Variants in HDAC4 observed in about 807,000 individuals in gnomAD.
The protein encoded by HDAC4 is histone deacetylase 4, also known as histone deacetylase A.
In HDAC4, 16 loss-of-function variants were observed where a neutral mutation model predicts 135.1. The observed-to-expected ratio is 0.12, with a 90% CI of 0.08 to 0.18. The LOEUF (loss-of-function observed/expected upper bound fraction) is 0.18. HDAC4 is among the 10% of genes least tolerant of loss of function. HDAC4 has a pLI of 1.00. For synonymous variants in HDAC4, 685 were observed against 653.4 expected, an observed-to-expected ratio of 1.05 and a Z score of -0.74; for missense variants, 1,143 against 1,511.8, an observed-to-expected ratio of 0.76 and a Z score of 4.05.
At chr2:239,354,326 G>C (rs1233281021) in intron 1 of HDAC4, among the ~76,000 whole-genome samples, 1 of 152,114 alleles carries the variant, frequency 6.6e-6, no homozygotes, top group Non-Finnish European at 1.5e-5. Context: ...GCTGCTCCCA[G>C]GGAAGTGTCG....
At chr2:239,255,887 A>G (rs2049026680) in intron 2 of HDAC4, among the ~76,000 whole-genome samples, 1 of 152,188 alleles carries the variant, frequency 6.6e-6, no homozygotes, top group Non-Finnish European at 1.5e-5. Flanking sequence ...ACAGCTACAC[A>G]CTTGGGCAAA....
intron 3 of HDAC4, among the ~76,000 whole-genome samples, chr2:239,211,184 G>T (rs1385705760): frequency 1.3e-5 from 2 of 152,142 alleles, no homozygotes; most frequent in African/African-American, 4.8e-5. Context: ...ATTTTAAATG[G>T]ATCTATTCAA....
intron 8 of HDAC4, among the ~76,000 whole-genome samples, chr2:239,140,116 C>T (rs760204573): frequency 3.9e-5 from 6 of 152,166 alleles, no homozygotes; most frequent in Non-Finnish European, 7.3e-5. Context: ...CAACAGAAGA[C>T]CAGAAAATGC....
rs1170952204 is a variant in HDAC4 at position 239,167,062 on chromosome 2, G to T, written c.491-3139C>A. ...GCCAGTTGTTGGAGGGGACTGCCCT[G>T]CAGGTCCCCCTACATGGCCGTCCTT... On this transcript the variant is annotated intron_variant, in intron 5 of 26. Coordinates refer to ENST00000543185, the MANE Select transcript of HDAC4 (RefSeq NM_001378414.1). The surrounding 1 kb of genome is among the most constrained non-coding windows in gnomAD (Gnocchi z 4.1). 6.6e-6 allele frequency among the ~76,000 whole-genome samples: 1 copy of T among 151,952 alleles called. No individual in the cohort carries two copies. Among genetic ancestry groups the T allele is most frequent in the African/African-American group, 2.4e-5 (1 of 41,340 alleles).
chr2:239,353,074 G>C (rs564960143), intron 1 of HDAC4, among the ~76,000 whole-genome samples, 156 bp from the exon 2 acceptor site: 3 of 152,270 alleles, frequency 2.0e-5, no homozygotes, highest in Admixed American at 2.0e-4. Context: ...CACGATCTGG[G>C]CTCACTGCAA....
chr2:239,086,584 G>A (rs531282166), intron 19 of HDAC4, among the ~76,000 whole-genome samples: 8 of 152,320 alleles, frequency 5.3e-5, no homozygotes, highest in South Asian at 4.1e-4. Context: ...TCTAACACGC[G>A]GATCTGACTA....
At chr2:239,280,588 T>C (rs1314227590) in intron 2 of HDAC4, among the ~76,000 whole-genome samples, 1 of 152,120 alleles carries the variant, frequency 6.6e-6, no homozygotes, top group African/African-American at 2.4e-5. Context: ...TGGGAGCAGG[T>C]GCATTGTGGC....
intron 2 of HDAC4, among the ~76,000 whole-genome samples, chr2:239,301,421 C>T (rs115637509): frequency 0.021 from 3,241 of 151,812 alleles, 114 homozygotes; most frequent in African/African-American, 0.074. Flanking sequence ...TGATGCCAGG[C>T]GAGGCTCCCA....
intron 14 of HDAC4, among the ~76,000 whole-genome samples, chr2:239,108,623 C>T (rs2038375824): frequency 6.6e-6 from 1 of 152,190 alleles, no homozygotes; most frequent in African/African-American, 2.4e-5. Flanking sequence ...CTGCCTGGTC[C>T]TGGACCAATA....
At chr2:239,239,037 C>G (rs753692852) in intron 2 of HDAC4, among the ~76,000 whole-genome samples, 3 of 152,210 alleles carry the variant, frequency 2.0e-5, no homozygotes, top group Non-Finnish European at 4.4e-5. Context: ...ATGTCCAATC[C>G]TGTATACTGG....
In HDAC4 at chr2:239,262,135, T is replaced by C. The variant is rs1225408866; in HGVS notation, c.23-25471A>G. 1.3e-5 allele frequency among the ~76,000 whole-genome samples: 2 copies of C among 152,132 alleles called. No homozygotes were observed. The highest frequency in any genetic ancestry group is 2.9e-5 in the Non-Finnish European group (2 of 68,018). On this transcript the variant is annotated intron_variant, in intron 2 of 26. Coordinates refer to ENST00000543185, the MANE Select transcript of HDAC4 (RefSeq NM_001378414.1). This position sits in a 1 kb window ranked among gnomAD's most constrained non-coding sequence, Gnocchi z 4.1. ...CGCCTGCAGTGACGCCGGGCCACGC[T>C]CACCCCAAGGCCCAAGAAGGAGCCA...
chr2:239,234,411 A>G (rs1217595462), intron 3 of HDAC4, among the ~76,000 whole-genome samples: 3 of 152,184 alleles, frequency 2.0e-5, no homozygotes, highest in East Asian at 1.9e-4. Flanking sequence ...CCAACATGCC[A>G]CTTCTCAAGT....
At chr2:239,200,243 C>T (rs1283343182) in intron 3 of HDAC4, among the ~76,000 whole-genome samples, 9 of 152,132 alleles carry the variant, frequency 5.9e-5, no homozygotes, top group South Asian at 2.1e-4. Flanking sequence ...GAGAGCACCT[C>T]GCGCTGAAGC....
At chr2:239,334,688 C>T (rs1467636625) in intron 2 of HDAC4, among the ~76,000 whole-genome samples, 1 of 152,072 alleles carries the variant, frequency 6.6e-6, no homozygotes, top group African/African-American at 2.4e-5. Flanking sequence ...CCAATTGAGA[C>T]CACAGCAGGT....
At chr2:239,244,365 C>T (rs754072176) in intron 2 of HDAC4, among the ~76,000 whole-genome samples, 2 of 151,658 alleles carry the variant, frequency 1.3e-5, no homozygotes, top group Non-Finnish European at 2.9e-5. Flanking sequence ...GAAAGCGCTG[C>T]GCGAGGGCCC....
At chr2:239,270,702 T>C (rs2050012064) in intron 2 of HDAC4, among the ~76,000 whole-genome samples, 1 of 152,238 alleles carries the variant, frequency 6.6e-6, no homozygotes, top group Admixed American at 6.5e-5. Context: ...CTATCTGACA[T>C]TTCTGAAATC....
chr2:239,395,170 C>T (rs1696477228), intron 1 of HDAC4, among the ~76,000 whole-genome samples: 1 of 152,182 alleles, frequency 6.6e-6, no homozygotes, highest in South Asian at 2.1e-4. Flanking sequence ...AAGCAGGTGG[C>T]AGCTGAAACT....
chr2:239,259,826 C>G (rs937322553), intron 2 of HDAC4, among the ~76,000 whole-genome samples: 1 of 152,216 alleles, frequency 6.6e-6, no homozygotes, highest in African/African-American at 2.4e-5. Context: ...ATGGCGTGAG[C>G]CCCAGTCCCT....
Position 239,068,285 on chromosome 2 carries a change from G to A in HDAC4, c.2869+204C>T, listed in dbSNP as rs1363954261. ...TTCCTGGGCAAAGAGTGCCCGAGGT[G>A]CCTGGGTCTGAGCTCCCGCTGCCTG... On this transcript the variant is annotated intron_variant, in intron 23 of 26. Coordinates refer to ENST00000543185, the MANE Select transcript of HDAC4 (RefSeq NM_001378414.1). The surrounding 1 kb of genome is among the most constrained non-coding windows in gnomAD (Gnocchi z 4.4). Among the ~76,000 whole-genome samples the A allele has an allele frequency of 6.6e-6, 1 of 152,230 alleles. No individual in the cohort carries two copies. The highest frequency in any genetic ancestry group is 2.4e-5 in the African/African-American group (1 of 41,464).
Sources: gnomAD v4.1 joint callset for allele counts (sites outside exome capture counted in the v4.1 genomes callset) on GRCh38, gnomAD v4.1.1 for gene constraint, Gnocchi (gnomAD v3.1) non-coding constraint, MANE v1.5 for transcripts, NCBI Gene and HGNC (gene_info 2026-07-23, HGNC 2026-07-21) for gene names.